The following OPCML variants were observed in gnomAD, a reference collection of about 807,000 sequenced individuals.
OPCML encodes opioid-binding protein/cell adhesion molecule.
A neutral mutation model predicts 37.8 loss-of-function variants in OPCML; 13 were observed. The observed-to-expected ratio is 0.34, with a 90% CI of 0.22 to 0.55. The LOEUF is 0.55. OPCML is among the 20% of genes least tolerant of loss of function. OPCML has a pLI of 0.91. For missense variants in OPCML, 341 were observed against 435.6 expected (o/e 0.78, Z 1.93); for synonymous variants, 176 against 168.8 (o/e 1.04, Z -0.33).
At chr11:133,391,643 G>T (rs1945176255) in intron 1 of OPCML, among the ~76,000 whole-genome samples, 1 of 152,000 alleles carries the variant, frequency 6.6e-6, no homozygotes, top group Admixed American at 6.5e-5. Flanking sequence ...ATGAAGGTCA[G>T]AAAAATAAGC....
rs111905763 is a variant in OPCML at position 132,499,143 on chromosome 11, C to A, written c.505+29918G>T. The stretch of plus-strand genomic sequence containing the variant: ...ACAAGAACCAAAACTGGACAAGGCC[C>A]CTAGGGACTAATGGTAGATATGTGA... On this transcript the variant is annotated intron_variant, in intron 4 of 7. Coordinates refer to ENST00000524381, the MANE Select transcript of OPCML (RefSeq NM_001012393.5). Among the ~76,000 whole-genome samples, 1,424 of 152,276 alleles carry A rather than the reference C, an allele frequency of 9.4e-3. 12 individuals carry two copies. Among genetic ancestry groups the A allele is most frequent in the African/African-American group, 0.032 (1,316 of 41,542 alleles).
chr11:133,259,032 C>T (rs535398910), intron 1 of OPCML, among the ~76,000 whole-genome samples: 14 of 152,308 alleles, frequency 9.2e-5, no homozygotes, highest in African/African-American at 3.4e-4. Context: ...ATCTGTCTTC[C>T]TGGCTCTGAG....
At chr11:132,707,728 A>T (rs575062511) in intron 2 of OPCML, among the ~76,000 whole-genome samples, 1 of 152,326 alleles carries the variant, frequency 6.6e-6, no homozygotes, top group South Asian at 2.1e-4. Context: ...GTGTCTGTGC[A>T]TCTTTCAACT....
chr11:133,503,475 A>G (rs1372337125), intron 1 of OPCML, among the ~76,000 whole-genome samples: 1 of 152,184 alleles, frequency 6.6e-6, no homozygotes, highest in Non-Finnish European at 1.5e-5. Flanking sequence ...CAGCTCCTCC[A>G]TTGCTTAGCA....
intron 1 of OPCML, chr11:133,006,017 C>T (rs551988426): frequency 6.3e-5 from 62 of 985,326 alleles, no homozygotes; most frequent in African/African-American, 2.1e-4. Flanking sequence ...TCCTTCTGAG[C>T]GGAGTGTGGC....
Position 133,286,162 on chromosome 11 carries a change from T to C in OPCML, c.61+246102A>G, listed in dbSNP as rs571604009. On this transcript the variant is annotated intron_variant, in intron 1 of 7. Coordinates refer to ENST00000524381, the MANE Select transcript of OPCML (RefSeq NM_001012393.5). Reference sequence around the variant, plus strand: ...TCTCCAGACACACTGTGGAAAAGTATTCACCTTGCTGGGCGCGGTGGCTCA... The same window carrying C: ...TCTCCAGACACACTGTGGAAAAGTACTCACCTTGCTGGGCGCGGTGGCTCA... Among the ~76,000 whole-genome samples the C allele has an allele frequency of 1.5e-3, 226 of 152,146 alleles. 4 individuals are homozygous for C. The highest frequency in any genetic ancestry group is 0.01 in the Middle Eastern group (3 of 292).
chr11:133,206,661 G>A lies in OPCML; in HGVS notation c.62-263651C>T, dbSNP rs1279629918. ...TGAGAGATCACTAGGGCCGAGCAAA[G>A]GCTGTGCTCTCCTGCTCGATGAAGC... On this transcript the variant is annotated intron_variant, in intron 1 of 7. Transcript: ENST00000524381. This position sits in a 1 kb window ranked among gnomAD's most constrained non-coding sequence, Gnocchi z 4.7. Among the ~76,000 whole-genome samples the A allele has an allele frequency of 6.6e-6, 1 of 152,204 alleles. No homozygotes were observed. The highest frequency in any genetic ancestry group is 1.5e-5 in the Non-Finnish European group (1 of 68,038).
At chr11:132,533,748 T>C (rs1013280889) in intron 3 of OPCML, among the ~76,000 whole-genome samples, 1 of 152,122 alleles carries the variant, frequency 6.6e-6, no homozygotes, top group African/African-American at 2.4e-5. Context: ...GTACATACAA[T>C]TCCCTCTGCT....
intron 1 of OPCML, among the ~76,000 whole-genome samples, chr11:133,384,157 C>G (rs1307031639): frequency 7.0e-6 from 1 of 142,534 alleles, no homozygotes; most frequent in Non-Finnish European, 1.5e-5. Flanking sequence ...GAATTAGCAA[C>G]AATGTATCCA....
At chr11:132,425,884 T>G (rs536420030) in intron 7 of OPCML, among the ~76,000 whole-genome samples, 10 of 152,348 alleles carry the variant, frequency 6.6e-5, no homozygotes, top group African/African-American at 2.2e-4. Flanking sequence ...ATTTAAGGAC[T>G]CTTTCTCTAT....
intron 1 of OPCML, among the ~76,000 whole-genome samples, chr11:133,276,224 A>T (rs1941989323): frequency 6.6e-6 from 1 of 152,224 alleles, no homozygotes; most frequent in Non-Finnish European, 1.5e-5. Context: ...TCTTCTTTAT[A>T]AAGAAAAATT....
intron 1 of OPCML, among the ~76,000 whole-genome samples, chr11:132,945,844 G>T (rs1945734817): frequency 6.6e-6 from 1 of 152,050 alleles, no homozygotes; most frequent in East Asian, 1.9e-4. Flanking sequence ...GTGCAGTGGC[G>T]CAATCTCGGC....
At chr11:132,445,171 G>A (rs2096050662) in intron 4 of OPCML, among the ~76,000 whole-genome samples, 1 of 152,222 alleles carries the variant, frequency 6.6e-6, no homozygotes, top group Admixed American at 6.5e-5. Context: ...AGATCAATGT[G>A]TTACTGTGAA....
At chr11:132,729,791 A>G (rs1240280468) in intron 2 of OPCML, among the ~76,000 whole-genome samples, 1 of 152,162 alleles carries the variant, frequency 6.6e-6, no homozygotes, top group Non-Finnish European at 1.5e-5. Context: ...GAGTGAGAAC[A>G]GTTGTCAGGA....
At chr11:132,448,551 C>A (rs965784901) in intron 4 of OPCML, among the ~76,000 whole-genome samples, 3 of 152,206 alleles carry the variant, frequency 2.0e-5, no homozygotes, top group African/African-American at 4.8e-5. Context: ...GGGCAGGGGT[C>A]CCTTTGAAAA....
intron 1 of OPCML, among the ~76,000 whole-genome samples, chr11:132,959,361 C>A (rs1946038624): frequency 6.6e-6 from 1 of 152,182 alleles, no homozygotes; most frequent in Non-Finnish European, 1.5e-5. Flanking sequence ...TGGAAACTAC[C>A]CTCGGTGAAG....
At chr11:133,430,103 C>T (rs1946087013) in intron 1 of OPCML, among the ~76,000 whole-genome samples, 3 of 152,100 alleles carry the variant, frequency 2.0e-5, no homozygotes, top group Admixed American at 2.0e-4. Flanking sequence ...GAAACTGTTG[C>T]TGCAAGAGAC....
chr11:132,438,416 C>A (rs2096020327), intron 4 of OPCML, among the ~76,000 whole-genome samples: 1 of 152,226 alleles, frequency 6.6e-6, no homozygotes, highest in Admixed American at 6.5e-5. Context: ...CAACCTTGTG[C>A]AAGCATGTTC....
At chr11:132,757,994 T>G (rs1946118009) in intron 2 of OPCML, among the ~76,000 whole-genome samples, 1 of 152,074 alleles carries the variant, frequency 6.6e-6, no homozygotes, top group South Asian at 2.1e-4. Flanking sequence ...AAAGAAGGAG[T>G]CCAGTTTCAA....
Sources: allele counts gnomAD v4.1 joint callset (sites outside exome capture counted in the v4.1 genomes callset), GRCh38; gene constraint gnomAD v4.1.1; non-coding constraint Gnocchi (gnomAD v3.1); transcripts MANE v1.5; gene names NCBI Gene and HGNC (gene_info 2026-07-23, HGNC 2026-07-21).